The following MCTP1 variants were observed in gnomAD, a reference collection of about 807,000 sequenced individuals.
The protein encoded by MCTP1 is multiple C2 and transmembrane domain-containing protein 1.
Under a neutral mutation model 120.6 loss-of-function variants are expected in MCTP1, and 69 were observed. The ratio of observed to expected loss-of-function variants is 0.57; its 90% CI spans 0.47 to 0.70. The LOEUF is 0.70. MCTP1 is among the 30% of genes least tolerant of loss of function. The pLI is 0.00. For synonymous variants in MCTP1, 529 were observed against 493.1 expected (o/e 1.07, Z -0.96); for missense variants, 1,203 against 1,248.8 (o/e 0.96, Z 0.55).
intron 1 of MCTP1, among the ~76,000 whole-genome samples, chr5:95,167,623 T>C (rs1435734406): frequency 6.6e-6 from 1 of 152,248 alleles, no homozygotes; most frequent in Non-Finnish European, 1.5e-5. Flanking sequence ...AGATGGTATC[T>C]CATTGTGGTT....
chr5:94,987,640 T>G (rs1303911141), intron 2 of MCTP1, among the ~76,000 whole-genome samples: 1 of 152,088 alleles, frequency 6.6e-6, no homozygotes, highest in Non-Finnish European at 1.5e-5. Context: ...AAGGATGGAG[T>G]AATGTAGGCT....
At chr5:95,090,341 C>G (rs1755749577) in intron 1 of MCTP1, among the ~76,000 whole-genome samples, 1 of 152,188 alleles carries the variant, frequency 6.6e-6, no homozygotes, top group African/African-American at 2.4e-5. Flanking sequence ...GGTGCTAATT[C>G]TGTCAGCAAA....
chr5:94,969,574 A>T (rs1462488311), intron 2 of MCTP1, among the ~76,000 whole-genome samples: 1 of 152,054 alleles, frequency 6.6e-6, no homozygotes, highest in Non-Finnish European at 1.5e-5. Flanking sequence ...CCAAATTGCA[A>T]CTCAGTGTCA....
At chr5:95,104,848 C>T (rs2152378509) in intron 1 of MCTP1, among the ~76,000 whole-genome samples, 1 of 152,322 alleles carries the variant, frequency 6.6e-6, no homozygotes, top group East Asian at 1.9e-4. Flanking sequence ...CCCTTCCTTA[C>T]TTTTCTAAAG....
intron 1 of MCTP1, among the ~76,000 whole-genome samples, chr5:95,100,690 G>T (rs1410392772): frequency 6.6e-6 from 1 of 152,114 alleles, no homozygotes; most frequent in African/African-American, 2.4e-5. Context: ...ACACCCCTGA[G>T]AGGCCACAGC....
At chr5:95,100,844 A>G (rs1325968469) in intron 1 of MCTP1, among the ~76,000 whole-genome samples, 1 of 152,268 alleles carries the variant, frequency 6.6e-6, no homozygotes, top group Non-Finnish European at 1.5e-5. Context: ...AAGACCAAGG[A>G]CTAAAACTGA....
At chr5:94,796,648 A>G (rs12514382) in intron 18 of MCTP1, among the ~76,000 whole-genome samples, 1,275 of 16,282 alleles carry the variant, frequency 0.078, 2 homozygotes, top group Middle Eastern at 0.17. Flanking sequence ...TGTAATATAT[A>G]TTATATATAT....
chr5:94,890,112 C>T (rs1443188952), intron 11 of MCTP1, among the ~76,000 whole-genome samples: 3 of 152,176 alleles, frequency 2.0e-5, no homozygotes, highest in Admixed American at 2.0e-4. Context: ...ATTCCTTCCA[C>T]CTCAGCCTCC....
At chr5:95,109,508 C>T (rs777141279) in intron 1 of MCTP1, among the ~76,000 whole-genome samples, 32 of 152,210 alleles carry the variant, frequency 2.1e-4, no homozygotes, top group Non-Finnish European at 4.1e-4. Context: ...TAGAATATGA[C>T]TTCTGTCCCT....
At chr5:94,725,915 TGAA>T (rs1397014503) in intron 19 of MCTP1, among the ~76,000 whole-genome samples, 1 of 152,202 alleles carries the variant, frequency 6.6e-6, no homozygotes, top group Non-Finnish European at 1.5e-5. Flanking sequence ...ATTAACAACT[TGAA>T]GAGACTGAAA....
intron 2 of MCTP1, among the ~76,000 whole-genome samples, chr5:94,955,694 T>C (rs1483896662): frequency 6.6e-6 from 1 of 152,176 alleles, no homozygotes; most frequent in African/African-American, 2.4e-5. Context: ...GCAAAGCCAC[T>C]GTAGCCAGAC....
In MCTP1 at chr5:95,192,802, A is replaced by G. The variant is rs1263321656; in HGVS notation, c.720+91054T>C. On this transcript the variant is annotated intron_variant, in intron 1 of 22. Coordinates refer to ENST00000515393, the MANE Select transcript of MCTP1 (RefSeq NM_024717.7). Reference sequence around the variant, plus strand: ...AGGATGGCTGTTTGTGTCAGTATTAAGCCAAGATTTACAAAGGCCTATTAC... The same window carrying G: ...AGGATGGCTGTTTGTGTCAGTATTAGGCCAAGATTTACAAAGGCCTATTAC... 3.9e-5 allele frequency among the ~76,000 whole-genome samples: 6 copies of G among 152,114 alleles called. No individual in the cohort carries two copies. The East Asian group carries it at 7.7e-4, about 20-fold the overall frequency.
In MCTP1 at chr5:94,766,025, G is replaced by A. The variant is rs182403429; in HGVS notation, c.2610+13085C>T. On this transcript the variant is annotated intron_variant, in intron 19 of 22. Coordinates refer to ENST00000515393, the MANE Select transcript of MCTP1 (RefSeq NM_024717.7). ...TTTGGGAGGCCGAGGAGGGCAGATC[G>A]CCTGAGGTCAGGAGTTCAAGACCAG... Among the ~76,000 whole-genome samples the A allele has an allele frequency of 3.6e-3, 544 of 152,060 alleles. 3 individuals are homozygous for A. Among genetic ancestry groups the A allele is most frequent in the African/African-American group, 0.013 (524 of 41,480 alleles).
intron 1 of MCTP1, among the ~76,000 whole-genome samples, chr5:95,156,346 T>C (rs1447048053): frequency 2.0e-5 from 3 of 152,178 alleles, no homozygotes; most frequent in Non-Finnish European, 1.5e-5. Context: ...CAAACACATC[T>C]CTTAGGCACA....
At chr5:95,172,064 T>C (rs182852198) in intron 1 of MCTP1, among the ~76,000 whole-genome samples, 2 of 152,350 alleles carry the variant, frequency 1.3e-5, no homozygotes, top group East Asian at 1.9e-4. Flanking sequence ...TCTTTGATGA[T>C]GGTGAGGTAC....
At chr5:95,164,248 T>A (rs11749185) in intron 1 of MCTP1, among the ~76,000 whole-genome samples, 3 of 152,114 alleles carry the variant, frequency 2.0e-5, no homozygotes, top group Non-Finnish European at 2.9e-5. Flanking sequence ...ATGTAAACAA[T>A]TGAACTCACT....
chr5:94,866,984 G>A (rs184971007), intron 17 of MCTP1, among the ~76,000 whole-genome samples: 95 of 151,892 alleles, frequency 6.3e-4, no homozygotes, highest in Non-Finnish European at 9.4e-4. Flanking sequence ...AATCAAAAAT[G>A]GCAGCACGAT....
intron 3 of MCTP1, among the ~76,000 whole-genome samples, chr5:94,946,959 C>G (rs1819088025): frequency 6.6e-6 from 1 of 152,210 alleles, no homozygotes. Context: ...AGTAGTATGT[C>G]TGTATCCTAG....
intron 17 of MCTP1, among the ~76,000 whole-genome samples, chr5:94,841,152 G>T (rs1330664040): frequency 1.3e-5 from 2 of 152,116 alleles, no homozygotes; most frequent in Non-Finnish European, 2.9e-5. Context: ...GTACTTCTAG[G>T]GTTGCCAGCC....
Sources: allele counts gnomAD v4.1 joint callset (sites outside exome capture counted in the v4.1 genomes callset), GRCh38; gene constraint gnomAD v4.1.1; transcripts MANE v1.5; gene names NCBI Gene and HGNC (gene_info 2026-07-23, HGNC 2026-07-21).